Variants in HFE observed in about 807,000 individuals in gnomAD.
The protein encoded by HFE is homeostatic iron regulator.
HFE carries 36 observed loss-of-function variants against 40.9 expected under a neutral mutation model. The observed-to-expected ratio is 0.88, with a 90% CI of 0.67 to 1.16. The LOEUF (loss-of-function observed/expected upper bound fraction) is 1.16. HFE is among the 50% of genes most tolerant of loss of function. The probability of loss-of-function intolerance (pLI) is 0.00; values close to 1 mark genes in which losing one functional copy is unlikely to be tolerated. For synonymous variants in HFE, 157 were observed against 165.4 expected (o/e 0.95, Z 0.39); for missense variants, 376 against 432.0 (o/e 0.87, Z 1.15).
rs118079331 is a variant in HFE, at chr6:26,094,643, C to T, written c.*417C>T. On this transcript the variant is annotated 3_prime_UTR_variant, in exon 6 of 6. Transcript: ENST00000357618. Reference sequence around the variant, plus strand: ...ACCCTGGGACGTGGCTAGTCATAACCTTACCAGATTTTTACACATGTATCT... The same window carrying T: ...ACCCTGGGACGTGGCTAGTCATAACTTTACCAGATTTTTACACATGTATCT... The T allele has an allele frequency of 1.5e-3, 876 of 594,186 alleles. 26 individuals carry two copies. In the East Asian group the frequency reaches 0.024, roughly 16 times the overall value. 36.8% of individuals were successfully genotyped at this position (594,186 alleles called of 1,614,324 possible).
chr6:26,091,404 A>G lies in HFE; in HGVS notation c.431A>G (p.Asp144Gly). 2 of 1,614,136 alleles carry G rather than the reference A, an allele frequency of 1.2e-6. No individual in the cohort carries two copies. Among genetic ancestry groups the G allele is most frequent in the Non-Finnish European group, 1.7e-6 (2 of 1,180,024 alleles). ...TGGAAGTACGGGTATGATGGGCAGGACCACCTTGAATTCTGCCCTGACACA... is the reference window on the plus strand; with the variant it reads ...TGGAAGTACGGGTATGATGGGCAGGGCCACCTTGAATTCTGCCCTGACACA... Reference protein sequence around the residue: ...GYWKYGYDGQDHLEFCPDTLD... With the variant: ...GYWKYGYDGQGHLEFCPDTLD... The change falls in exon 3 of 6, where the codon GAC (aspartate) becomes GGC (glycine). Residue 144 changes from aspartate to glycine, a missense_variant. Around this residue, in one of 3 missense-constraint regions of HFE, gnomAD observed 200 missense variants for 228.5 expected, o/e 0.88. Coordinates refer to ENST00000357618, the MANE Select transcript of HFE (RefSeq NM_000410.4).
rs1261604780 is a variant in HFE at position 26,097,051 on chromosome 6, C to T, written c.*2825C>T. 5.9e-6 allele frequency: 1 copy of T among 170,758 alleles called. No homozygotes were observed. Among genetic ancestry groups the T allele is most frequent in the African/African-American group, 2.4e-5 (1 of 41,558 alleles). 10.6% of individuals were successfully genotyped at this position (170,758 alleles called of 1,614,324 possible). A position where few individuals can be genotyped will look rare whatever the true frequency, so the allele number is the denominator to read the frequency against. On this transcript the variant is annotated 3_prime_UTR_variant, in exon 6 of 6. Coordinates refer to ENST00000357618, the MANE Select transcript of HFE (RefSeq NM_000410.4). ...TTTTACCAGCAAACCATTCTGAAAG[C>T]ATATGACAAATTATTTCTCTCTTAA...
In HFE at chr6:26,094,433, C is replaced by G. The variant is rs1762928489; in HGVS notation, c.*207C>G. 3 of 705,512 alleles carry G rather than the reference C, an allele frequency of 4.3e-6. No individual in the cohort carries two copies. The East Asian group carries it at 8.0e-5, about 19-fold the overall frequency. The allele number at this position is 705,512 out of a possible 1,614,324, so 43.7% of individuals were successfully genotyped here. ...CTGAGTTCCTGCATGCCGGTGATCCCTAGCTGTGACCTCTCCCCTGGAACT... is the reference window on the plus strand; with the variant it reads ...CTGAGTTCCTGCATGCCGGTGATCCGTAGCTGTGACCTCTCCCCTGGAACT... On this transcript the variant is annotated 3_prime_UTR_variant, in exon 6 of 6. Coordinates refer to ENST00000357618, the MANE Select transcript of HFE (RefSeq NM_000410.4).
intron 1 of HFE, among the ~76,000 whole-genome samples, chr6:26,089,094 CATGT>C (rs1293961611): frequency 1.1e-4 from 10 of 92,826 alleles, no homozygotes; most frequent in African/African-American, 4.4e-4. Context: ...CAGCACTACT[CATGT>C]GTGTGTGTGT....
chr6:26,097,937 A>G lies in HFE; in HGVS notation c.*3711A>G, dbSNP rs1041546553. 4 of 152,194 alleles carry G rather than the reference A, an allele frequency of 2.6e-5. No individual in the cohort carries two copies. Among genetic ancestry groups the G allele is most frequent in the East Asian group, 3.8e-4 (2 of 5,202 alleles). 9.4% of individuals were successfully genotyped at this position (152,194 alleles called of 1,614,324 possible). On this transcript the variant is annotated 3_prime_UTR_variant, in exon 6 of 6. Transcript: ENST00000357618. Reference sequence around the variant, plus strand: ...TAAACTAACTTTTTTTCAAACCACAATCTGATTTAACAATGACTATCATTT... The same window carrying G: ...TAAACTAACTTTTTTTCAAACCACAGTCTGATTTAACAATGACTATCATTT...
At position 26,096,770 on chromosome 6, in the gene HFE, TGTTA is replaced by T. The variant is rs1763058650; in HGVS notation, c.*2547_*2550del. On this transcript the variant is annotated 3_prime_UTR_variant, in exon 6 of 6. Transcript: ENST00000357618. ...AACTATTAACAACTTGTCTATTACCTGTTAGTATTATTGTTGCATTAAAAATGCA... is the reference window on the plus strand; with the variant it reads ...AACTATTAACAACTTGTCTATTACCTGTATTATTGTTGCATTAAAAATGCA... The T allele has an allele frequency of 5.5e-6, 2 of 364,454 alleles. No homozygotes were observed. Among genetic ancestry groups the T allele is most frequent in the Non-Finnish European group, 5.3e-6 (1 of 188,330 alleles). 22.6% of individuals were successfully genotyped at this position (364,454 alleles called of 1,614,324 possible).
In HFE at chr6:26,094,726, T is replaced by G. The variant is rs1458932115; in HGVS notation, c.*500T>G. ...TGAATCCTCTCTCTGTGTTACCCAG[T>G]AACTCATCTGTCACCAAGCCTTGGG... On this transcript the variant is annotated 3_prime_UTR_variant, in exon 6 of 6. Transcript: ENST00000357618. 17 of 457,548 alleles carry G rather than the reference T, an allele frequency of 3.7e-5. No individual in the cohort carries two copies. In the Admixed American group the frequency reaches 6.0e-4, roughly 16 times the overall value. 28.3% of individuals were successfully genotyped at this position (457,548 alleles called of 1,614,324 possible).
chr6:26,093,181 A>T lies in HFE; in HGVS notation c.955A>T (p.Ile319Phe). 2.5e-6 allele frequency: 4 copies of T among 1,614,132 alleles called. No individual in the cohort carries two copies. The highest frequency in any genetic ancestry group is 1.6e-4 in the Middle Eastern group (1 of 6,062). Residue 319 changes from isoleucine to phenylalanine, a missense_variant, in exon 5 of 6, where the codon ATC becomes TTC. Physicochemically the swap from Ile to Phe is conservative, Grantham distance 21. Transcript: ENST00000357618. ...CAGTGGAATTGCTGTTTTTGTCGTC[A>T]TCTTGTTCATTGGAATTTTGTTCAT... ...VISGIAVFVV[I>F]LFIGILFIIL...
intron 3 of HFE, 161 bp from the exon 4 acceptor site, chr6:26,092,521 GTTA>G: frequency 8.6e-7 from 1 of 1,167,846 alleles, no homozygotes; most frequent in Non-Finnish European, 1.2e-6. Flanking sequence ...GTGACACTGT[GTTA>G]GAGTCCAATC....
Position 26,098,206 on chromosome 6 carries a change from G to A in HFE, c.*3980G>A, listed in dbSNP as rs1400561318. ...TATTACTTGATATGCATGCATTCTG[G>A]TATCTCAAGCATTCTATTTCTGAGT... On this transcript the variant is annotated 3_prime_UTR_variant, in exon 6 of 6. Coordinates refer to ENST00000357618, the MANE Select transcript of HFE (RefSeq NM_000410.4). 1 of 152,118 alleles carries A rather than the reference G, an allele frequency of 6.6e-6. No individual in the cohort carries two copies. Among genetic ancestry groups the A allele is most frequent in the African/African-American group, 2.4e-5 (1 of 41,406 alleles). The allele number at this position is 152,118 out of a possible 1,614,324, so 9.4% of individuals were successfully genotyped here.
Position 26,096,270 on chromosome 6 carries a change from A to T in HFE, c.*2044A>T, listed in dbSNP as rs781129423. 3.2e-6 allele frequency: 1 copy of T among 316,914 alleles called. No homozygotes were observed. The highest frequency in any genetic ancestry group is 6.2e-6 in the Non-Finnish European group (1 of 161,440). The allele number at this position is 316,914 out of a possible 1,614,324, so 19.6% of individuals were successfully genotyped here. On this transcript the variant is annotated 3_prime_UTR_variant, in exon 6 of 6. Transcript: ENST00000357618. ...TGTCTCAGCCTCCCAAGTAGCTGGG[A>T]TTACAGGCGTGCACCACCATGCCCG...
chr6:26,088,061 A>T (rs807206), intron 1 of HFE, among the ~76,000 whole-genome samples: 5,023 of 152,140 alleles, frequency 0.033, 306 homozygotes, highest in African/African-American at 0.11. Context: ...TCACCATTCC[A>T]CCCACTTTTG....
chr6:26,097,074 T>C lies in HFE; in HGVS notation c.*2848T>C, dbSNP rs1026822934. 1 of 167,088 alleles carries C rather than the reference T, an allele frequency of 6.0e-6. No individual in the cohort carries two copies. Among genetic ancestry groups the C allele is most frequent in the African/African-American group, 2.4e-5 (1 of 41,530 alleles). The allele number at this position is 167,088 out of a possible 1,614,324, so 10.4% of individuals were successfully genotyped here. A position where few individuals can be genotyped will look rare whatever the true frequency, so the allele number is the denominator to read the frequency against. On this transcript the variant is annotated 3_prime_UTR_variant, in exon 6 of 6. Coordinates refer to ENST00000357618, the MANE Select transcript of HFE (RefSeq NM_000410.4). ...AGCATATGACAAATTATTTCTCTCT[T>C]AATATCTTACTATACTGAAAGCAGA...
chr6:26,094,100 G>A (rs889320652), intron 5 of HFE, 86 bp from the exon 6 acceptor site: 3 of 1,277,856 alleles, frequency 2.3e-6, no homozygotes, highest in Admixed American at 3.4e-5. Context: ...ATTGAGATGG[G>A]TGAATGAGGA....
Position 26,090,442 on chromosome 6 carries a change from C to CAAAAAAAAAA in HFE, c.77-379_77-370dup, listed in dbSNP as rs56267433. ...TGGGTGATAGAGTGAGACTCTGTCT[C>CAAAAAAAAAA]AAAAAAAAAAAAAAAAAAAAAAAAA... On this transcript the variant is annotated intron_variant, in intron 1 of 5. Coordinates refer to ENST00000357618, the MANE Select transcript of HFE (RefSeq NM_000410.4). 5.4e-4 allele frequency among the ~76,000 whole-genome samples: 20 copies of CAAAAAAAAAA among 36,726 alleles called. 2 individuals are homozygous for CAAAAAAAAAA. The highest frequency in any genetic ancestry group is 1.1e-3 in the East Asian group (1 of 946). The allele number at this position is 36,726 out of a possible 152,430, so 24.1% of individuals were successfully genotyped here.
At chr6:26,089,269 A>C (rs1047407308) in intron 1 of HFE, among the ~76,000 whole-genome samples, 1 of 152,156 alleles carries the variant, frequency 6.6e-6, no homozygotes, top group African/African-American at 2.4e-5. Context: ...CCTAGTAGAC[A>C]AACTCCTGGT....
At chr6:26,089,108 T>TC (rs1280610507) in intron 1 of HFE, among the ~76,000 whole-genome samples, 2 of 56,356 alleles carry the variant, frequency 3.5e-5, no homozygotes, top group Admixed American at 2.1e-4. Flanking sequence ...TGTGTGTGTG[T>TC]GGGGGGGGGG....
rs984544092 is a variant in HFE, at chr6:26,091,519, C to A, written c.546C>A (p.Tyr182Ter). Residue 182 changes from tyrosine (Y) to a stop codon, truncating the protein, a stop_gained, in exon 3 of 6, where the codon TAC (tyrosine) becomes TAA (stop). Coordinates refer to ENST00000357618, the MANE Select transcript of HFE (RefSeq NM_000410.4). LOFTEE classifies it high-confidence loss of function. ...TTCGGGCCAGGCAGAACAGGGCCTA[C>A]CTGGAGAGGGACTGCCCTGCACAGC... Reference protein sequence around the residue: ...HKIRARQNRAYLERDCPAQLQ... With the variant: ...HKIRARQNRA 3.1e-6 allele frequency: 5 copies of A among 1,614,096 alleles called. No homozygotes were observed. The highest frequency in any genetic ancestry group is 3.4e-6 in the Non-Finnish European group (4 of 1,179,994).
chr6:26,090,442 CAAAAAAAAAAAAA>C (rs56267433), intron 1 of HFE, among the ~76,000 whole-genome samples: 5 of 36,730 alleles, frequency 1.4e-4, no homozygotes, highest in East Asian at 1.1e-3. Flanking sequence ...GACTCTGTCT[CAAAAAAAAAAAAA>C]AAAAAAAAAA....
Sources: gnomAD v4.1 joint callset for allele counts (sites outside exome capture counted in the v4.1 genomes callset) on GRCh38, gnomAD v4.1.1 for gene constraint, gnomAD v4.1.1 regional missense constraint, MANE v1.5 for transcripts, NCBI Gene and HGNC (gene_info 2026-07-23, HGNC 2026-07-21) for gene names.